Variants in EP400 observed in about 807,000 individuals in gnomAD.
EP400 encodes the protein E1A-binding protein p400.
In EP400, 105 loss-of-function variants were observed where a neutral mutation model predicts 354.1. The ratio of observed to expected loss-of-function variants is 0.30; its 90% CI spans 0.25 to 0.35. EP400 has a LOEUF of 0.35. Ranked by LOEUF, EP400 falls within the 10% of genes least tolerant of loss-of-function variation. The probability of loss-of-function intolerance (pLI) is 1.00; values close to 1 mark genes in which losing one functional copy is unlikely to be tolerated. For missense variants in EP400, 3,280 were observed against 4,121.0 expected, an observed-to-expected ratio of 0.80 and a Z score of 5.59; for synonymous variants, 1,646 against 1,716.9, an observed-to-expected ratio of 0.96 and a Z score of 1.02.
In EP400 at chr12:131,994,677, T is replaced by A. The variant is rs1193702829; in HGVS notation, c.2738-190T>A. Among the ~76,000 whole-genome samples the A allele has an allele frequency of 2.0e-5, 3 of 152,236 alleles. No individual in the cohort carries two copies. The East Asian group carries it at 5.8e-4, about 29-fold the overall frequency. On this transcript the variant is annotated intron_variant, in intron 11 of 52. Coordinates refer to ENST00000389561, the MANE Select transcript of EP400 (RefSeq NM_015409.5). The surrounding 1 kb of genome is among the most constrained non-coding windows in gnomAD (Gnocchi z 4.6). ...AAAACCAGGGCTGTCATTCACAGCC[T>A]GAAGTGGAAGGGGAAATACACTTCC...
At position 132,020,110 on chromosome 12, in the gene EP400, A is replaced by G; in HGVS notation, c.4339A>G (p.Thr1447Ala). The G allele has an allele frequency of 6.2e-7, 1 of 1,606,642 alleles. No individual in the cohort carries two copies. Among genetic ancestry groups the G allele is most frequent in the South Asian group, 1.1e-5 (1 of 89,758 alleles). ...GGGTCGCACCGTGGCTTTCCCCAGC[A>G]CTCACCCGCCCCGGACGGCAGCCCC... Reference protein sequence around the residue: ...PEGRTVAFPSTHPPRTAAPTT... With the variant: ...PEGRTVAFPSAHPPRTAAPTT... Residue 1447 changes from threonine to alanine, a missense_variant, in exon 22 of 53, where the codon ACT becomes GCT. Physicochemically the swap from Thr to Ala is moderately conservative, Grantham distance 58. Coordinates refer to ENST00000389561, the MANE Select transcript of EP400 (RefSeq NM_015409.5).
intron 39 of EP400, among the ~76,000 whole-genome samples, 190 bp downstream of exon 39, chr12:132,046,090 T>C (rs1477175978): frequency 6.6e-6 from 1 of 152,232 alleles, no homozygotes; most frequent in Non-Finnish European, 1.5e-5. Context: ...GCCTCGCCTA[T>C]GGCATGAGCA....
intron 12 of EP400, among the ~76,000 whole-genome samples, chr12:131,998,534 T>C (rs1893291786): frequency 6.6e-6 from 1 of 151,994 alleles, no homozygotes; most frequent in African/African-American, 2.4e-5. Context: ...CTAAATGGTA[T>C]ATTTTCTAAA....
At chr12:132,064,028 C>T (rs966922196) in intron 47 of EP400, among the ~76,000 whole-genome samples, 7 of 146,940 alleles carry the variant, frequency 4.8e-5, no homozygotes, top group South Asian at 2.3e-4. Flanking sequence ...CTGATGACCC[C>T]CCCCCGGCCC....
chr12:132,043,594 C>T (rs766103235), intron 33 of EP400, 51 bp from the exon 34 acceptor site: 1 of 1,581,608 alleles, frequency 6.3e-7, no homozygotes, highest in South Asian at 1.2e-5. Flanking sequence ...AGGAACTTGA[C>T]TTTTATTAAC....
intron 43 of EP400, 146 bp downstream of exon 43, chr12:132,053,743 A>G: frequency 3.2e-6 from 3 of 951,676 alleles, no homozygotes; most frequent in South Asian, 4.3e-5. Context: ...AGAAATGGGA[A>G]AAGGCTTAGT....
In EP400 at chr12:132,045,629, A is replaced by G; in HGVS notation, c.7026+69A>G. 5 of 1,604,572 alleles carry G rather than the reference A, an allele frequency of 3.1e-6. No individual in the cohort carries two copies. In the Admixed American group the frequency reaches 8.4e-5, roughly 27 times the overall value. On this transcript the variant is annotated intron_variant, in intron 38 of 52. Transcript: ENST00000389561. ...TTTTCTAACGCACGTCCGTGCATCC[A>G]GCTCACTGTGATCACTTTGCAGGGA... is the stretch of plus-strand genomic sequence containing the variant.
intron 45 of EP400, among the ~76,000 whole-genome samples, chr12:132,058,308 T>C (rs1002009633): frequency 1.3e-5 from 2 of 151,992 alleles, no homozygotes; most frequent in Non-Finnish European, 2.9e-5. Flanking sequence ...TTTGTAATAT[T>C]GAGGCTAGAT....
intron 5 of EP400, among the ~76,000 whole-genome samples, chr12:131,985,540 A>T (rs1284209229): frequency 6.6e-6 from 1 of 152,204 alleles, no homozygotes; most frequent in African/African-American, 2.4e-5. Context: ...GCTCTCTGTG[A>T]ATTTAAGTCA....
At chr12:131,998,663 A>T (rs868045421) in intron 12 of EP400, among the ~76,000 whole-genome samples, 9 of 138,040 alleles carry the variant, frequency 6.5e-5, no homozygotes, top group East Asian at 2.3e-4. Flanking sequence ...GTATACAAAG[A>T]CTTTGTATAC....
In EP400 at chr12:131,989,990, C is replaced by T. The variant is rs759198083; in HGVS notation, c.2436C>T (p.His812=). Reference sequence around the variant, plus strand: ...TCGTTAGAACTGTGGTGCGCCATCACGAGGAGAAGCAGCTCCGTGAAGAAA... The same window carrying T: ...TCGTTAGAACTGTGGTGCGCCATCATGAGGAGAAGCAGCTCCGTGAAGAAA... ...KKLVRTVVRH[H]EEKQLREERG... is the part of the protein sequence containing the mutation. The change falls in exon 8 of 53, where the codon CAC becomes CAT. Residue 812 remains histidine, a synonymous_variant. Coordinates refer to ENST00000389561, the MANE Select transcript of EP400 (RefSeq NM_015409.5). 20 of 1,613,648 alleles carry T rather than the reference C, an allele frequency of 1.2e-5. No homozygotes were observed. Among genetic ancestry groups the T allele is most frequent in the South Asian group, 3.3e-5 (3 of 90,982 alleles).
At chr12:132,003,290 A>G (rs1017047125) in intron 12 of EP400, among the ~76,000 whole-genome samples, 1 of 152,176 alleles carries the variant, frequency 6.6e-6, no homozygotes, top group African/African-American at 2.4e-5. Context: ...AAAATGTGTA[A>G]CAACTATTTA....
chr12:131,958,568 T>C (rs1301586498), intron 1 of EP400, among the ~76,000 whole-genome samples: 1 of 152,194 alleles, frequency 6.6e-6, no homozygotes, highest in Non-Finnish European at 1.5e-5. Context: ...TAACTTCTTT[T>C]TTTGGAGATG....
chr12:132,073,540 G>A (rs995058665), intron 51 of EP400, among the ~76,000 whole-genome samples: 2 of 146,270 alleles, frequency 1.4e-5, no homozygotes, highest in Admixed American at 6.9e-5. Flanking sequence ...TGCAACTTCC[G>A]CCTCCTGTGT....
chr12:131,982,290 C>A lies in EP400; in HGVS notation c.1741C>A (p.Pro581Thr), dbSNP rs145263930. ...LSSALQFAQQ[P>T]QVVEAQTQLQ... Reference sequence around the variant, plus strand: ...CTCTGCGCTGCAGTTTGCACAGCAGCCGCAAGTGGTAGAGGCCCAGACACA... The same window carrying A: ...CTCTGCGCTGCAGTTTGCACAGCAGACGCAAGTGGTAGAGGCCCAGACACA... The change falls in exon 5 of 53, where the codon CCG (proline) becomes ACG (threonine). Residue 581 changes from proline (P) to threonine (T), a missense_variant. This residue lies in a region of EP400 where 800 missense variants were observed against 840.0 expected (regional missense o/e 0.95). Coordinates refer to ENST00000389561, the MANE Select transcript of EP400 (RefSeq NM_015409.5). 0.012 allele frequency: 19,431 copies of A among 1,614,174 alleles called. 141 individuals carry two copies. The highest frequency in any genetic ancestry group is 0.015 in the Non-Finnish European group (17,218 of 1,180,036).
rs779373877 is a variant in EP400 at position 132,037,989 on chromosome 12, A to G, written c.6100A>G (p.Met2034Val). The G allele has an allele frequency of 1.1e-5, 18 of 1,614,092 alleles. No homozygotes were observed. Among genetic ancestry groups the G allele is most frequent in the Non-Finnish European group, 1.5e-5 (18 of 1,180,048 alleles). The change falls in exon 32 of 53, where the codon ATG becomes GTG. Residue 2034 changes from methionine to valine, a missense_variant. Around this residue, in one of 20 missense-constraint regions of EP400, gnomAD observed 60 missense variants for 109.9 expected, o/e 0.55. Transcript: ENST00000389561. Reference protein sequence around the residue: ...IQELFEVYSPMDDAGFPVKAE... With the variant: ...IQELFEVYSPVDDAGFPVKAE... Reference sequence around the variant, plus strand: ...GGAGCTGTTTGAAGTTTATTCTCCCATGGATGATGCTGGCTTCCCGGTCAA... The same window carrying G: ...GGAGCTGTTTGAAGTTTATTCTCCCGTGGATGATGCTGGCTTCCCGGTCAA...
intron 24 of EP400, among the ~76,000 whole-genome samples, chr12:132,024,164 CGTT>C (rs1424274410): frequency 6.6e-6 from 1 of 152,198 alleles, no homozygotes; most frequent in Admixed American, 6.5e-5. Context: ...CAGGCACTTT[CGTT>C]ACCAGCATCT....
chr12:131,967,868 G>A (rs1012551469), intron 2 of EP400, among the ~76,000 whole-genome samples: 1 of 151,996 alleles, frequency 6.6e-6, no homozygotes, highest in Non-Finnish European at 1.5e-5. Flanking sequence ...TAATTTGGAT[G>A]TCTCTGAAGA....
intron 47 of EP400, among the ~76,000 whole-genome samples, chr12:132,064,467 C>A (rs1895820351): frequency 6.6e-6 from 1 of 152,190 alleles, no homozygotes; most frequent in South Asian, 2.1e-4. Context: ...TTGTAGTTTT[C>A]ACCGACGAAT....
Sources: gnomAD v4.1 joint callset for allele counts (sites outside exome capture counted in the v4.1 genomes callset) on GRCh38, gnomAD v4.1.1 for gene constraint, gnomAD v4.1.1 regional missense constraint, Gnocchi (gnomAD v3.1) non-coding constraint, MANE v1.5 for transcripts, NCBI Gene and HGNC (gene_info 2026-07-23, HGNC 2026-07-21) for gene names.